Variants in GLG1 observed in about 807,000 individuals in gnomAD.
GLG1 encodes Golgi apparatus protein 1.
Under a neutral mutation model 160.5 loss-of-function variants are expected in GLG1, and 38 were observed. The observed-to-expected ratio is 0.24, with a 90% CI of 0.18 to 0.31. The LOEUF is 0.31. Ranked by LOEUF, GLG1 falls within the 10% of genes least tolerant of loss-of-function variation. GLG1 has a pLI of 1.00. For missense variants in GLG1, 1,373 were observed against 1,505.2 expected (o/e 0.91, Z 1.45); for synonymous variants, 644 against 543.4 (o/e 1.19, Z -2.57).
chr16:74,553,171 G>C (rs1050284151), intron 1 of GLG1, among the ~76,000 whole-genome samples: 20 of 149,752 alleles, frequency 1.3e-4, no homozygotes, highest in African/African-American at 4.9e-4. Context: ...AGTGAGCTGA[G>C]ATCACGCCAC....
intron 18 of GLG1, among the ~76,000 whole-genome samples, chr16:74,466,520 C>A (rs892490039): frequency 6.6e-6 from 1 of 152,008 alleles, no homozygotes; most frequent in Non-Finnish European, 1.5e-5. Context: ...CAAGGCATGG[C>A]CAAGAATCAC....
At chr16:74,590,551 G>A (rs1265251901) in intron 1 of GLG1, among the ~76,000 whole-genome samples, 1 of 151,056 alleles carries the variant, frequency 6.6e-6, no homozygotes, top group East Asian at 2.0e-4. Context: ...AATCCAGGAG[G>A]CGGAGCTTCC....
chr16:74,459,632 GAAAA>G, intron 23 of GLG1, 46 bp downstream of exon 23: 2 of 770,354 alleles, frequency 2.6e-6, no homozygotes, highest in East Asian at 3.1e-5. Flanking sequence ...AGGAAGAAGA[GAAAA>G]AAAAAAAAAG....
intron 1 of GLG1, among the ~76,000 whole-genome samples, chr16:74,536,393 T>C (rs1366780537): frequency 6.6e-6 from 1 of 152,156 alleles, no homozygotes; most frequent in Non-Finnish European, 1.5e-5. Flanking sequence ...CCCAAGAAAT[T>C]AGCCAACAAG....
chr16:74,564,939 C>A (rs1227645422), intron 1 of GLG1, among the ~76,000 whole-genome samples: 1 of 152,140 alleles, frequency 6.6e-6, no homozygotes, highest in Non-Finnish European at 1.5e-5. Context: ...GTCCTTGTTC[C>A]CCACCTTGCA....
chr16:74,590,791 G>A (rs553627498), intron 1 of GLG1, among the ~76,000 whole-genome samples: 1 of 117,040 alleles, frequency 8.5e-6, no homozygotes, highest in South Asian at 2.8e-4. Context: ...GAGTGAAACT[G>A]TCTCAAAAAA....
intron 2 of GLG1, among the ~76,000 whole-genome samples, chr16:74,527,391 T>G (rs1022122506): frequency 1.3e-5 from 2 of 151,536 alleles, no homozygotes; most frequent in African/African-American, 2.4e-5. Flanking sequence ...CTGGGATTAC[T>G]GGTGTGCACC....
chr16:74,537,357 A>G (rs1284952000), intron 1 of GLG1, among the ~76,000 whole-genome samples: 1 of 152,170 alleles, frequency 6.6e-6, no homozygotes, highest in Non-Finnish European at 1.5e-5. Context: ...GAAATGGTTA[A>G]AAAACAAAAC....
At chr16:74,531,177 G>C (rs3973385) in intron 2 of GLG1, among the ~76,000 whole-genome samples, 2 of 151,758 alleles carry the variant, frequency 1.3e-5, no homozygotes, top group East Asian at 1.9e-4. Context: ...CTAGGTTTTC[G>C]TAAGAGTAAG....
At chr16:74,565,103 C>G (rs907224819) in intron 1 of GLG1, among the ~76,000 whole-genome samples, 3 of 152,104 alleles carry the variant, frequency 2.0e-5, no homozygotes, top group Non-Finnish European at 4.4e-5. Flanking sequence ...CTTTGGGAGG[C>G]TGAGATGAGC....
chr16:74,477,369 A>G (rs201675629), intron 12 of GLG1, 27 bp downstream of exon 12: 6 of 1,566,804 alleles, frequency 3.8e-6, no homozygotes, highest in African/African-American at 2.7e-5. Flanking sequence ...CATTATTGTA[A>G]GACAAACAGA....
intron 9 of GLG1, among the ~76,000 whole-genome samples, chr16:74,484,488 C>T (rs1274057011): frequency 2.6e-5 from 4 of 151,854 alleles, no homozygotes; most frequent in African/African-American, 4.8e-5. Context: ...TTTGGCCGGG[C>T]GTGGTGGCTC....
intron 2 of GLG1, among the ~76,000 whole-genome samples, chr16:74,527,970 C>T (rs1479055292): frequency 6.7e-6 from 1 of 149,996 alleles, no homozygotes; most frequent in Non-Finnish European, 1.5e-5. Flanking sequence ...CTGCCAGCTC[C>T]ACCTCCCAGG....
intron 2 of GLG1, among the ~76,000 whole-genome samples, chr16:74,513,304 T>C (rs1225103868): frequency 6.6e-6 from 1 of 152,124 alleles, no homozygotes; most frequent in African/African-American, 2.4e-5. Context: ...GATTAGGGTG[T>C]GGGCTAGGGG....
chr16:74,462,646 GT>G lies in GLG1; in HGVS notation c.2792-17del. The G allele has an allele frequency of 6.2e-7, 1 of 1,613,332 alleles. No individual in the cohort carries two copies. Among genetic ancestry groups the G allele is most frequent in the Non-Finnish European group, 8.5e-7 (1 of 1,179,300 alleles). On this transcript the variant is annotated splice_polypyrimidine_tract_variant and intron_variant, in intron 20 of 25. Coordinates refer to ENST00000422840, the MANE Select transcript of GLG1 (RefSeq NM_001145667.2). ...AAGCGGTAATCTAGAGTAGAAAGCA[GT>G]GAGCATGTGACAAAACATTCCACCT...
chr16:74,567,946 T>A (rs1049363837), intron 1 of GLG1, among the ~76,000 whole-genome samples: 3 of 152,214 alleles, frequency 2.0e-5, no homozygotes, highest in Admixed American at 1.3e-4. Context: ...TCAATCTCAG[T>A]CTGAGTGCTC....
chr16:74,559,855 G>C (rs1409157265), intron 1 of GLG1, among the ~76,000 whole-genome samples: 1 of 151,928 alleles, frequency 6.6e-6, no homozygotes, highest in African/African-American at 2.4e-5. Flanking sequence ...ATTTTATTTT[G>C]AATTTATTAT....
intron 1 of GLG1, among the ~76,000 whole-genome samples, chr16:74,585,270 G>A (rs78825887): frequency 2.6e-5 from 4 of 151,894 alleles, no homozygotes; most frequent in Non-Finnish European, 5.9e-5. Flanking sequence ...TTACCTGGGC[G>A]TGGTGGCACA....
Position 74,482,986 on chromosome 16 carries a change from T to C in GLG1, c.1673+37A>G, listed in dbSNP as rs529181622. 1.1e-5 allele frequency: 11 copies of C among 1,036,468 alleles called. No homozygotes were observed. The East Asian group carries it at 1.4e-4, about 13-fold the overall frequency. 64.2% of individuals were successfully genotyped at this position (1,036,468 alleles called of 1,614,324 possible). A position where few individuals can be genotyped will look rare whatever the true frequency, so the allele number is the denominator to read the frequency against. ...ATTATGACTACACAGGAGAAGAGGCTGAGGCAATACATTTACTTTGGCTTC... is the reference window on the plus strand; with the variant it reads ...ATTATGACTACACAGGAGAAGAGGCCGAGGCAATACATTTACTTTGGCTTC... On this transcript the variant is annotated intron_variant, in intron 10 of 25. Transcript: ENST00000422840.
Sources: allele counts gnomAD v4.1 joint callset (sites outside exome capture counted in the v4.1 genomes callset), GRCh38; gene constraint gnomAD v4.1.1; transcripts MANE v1.5; gene names NCBI Gene and HGNC (gene_info 2026-07-23, HGNC 2026-07-21).